RAP1GDS1: variants seen among roughly 807,000 people sequenced by gnomAD.
The protein encoded by RAP1GDS1 is RAP1, GTP-GDP dissociation stimulator 1.
A neutral mutation model predicts 71.1 loss-of-function variants in RAP1GDS1; 35 were observed. That is an observed-to-expected ratio of 0.49 (90% CI 0.38 to 0.65). The LOEUF (loss-of-function observed/expected upper bound fraction) is 0.65. Among genes scored for constraint, RAP1GDS1 ranks in the 30% least tolerant of loss-of-function variants. The pLI is 0.00. For missense variants in RAP1GDS1, 663 were observed against 706.1 expected (o/e 0.94, Z 0.69); for synonymous variants, 229 against 243.1 (o/e 0.94, Z 0.54).
At chr4:98,303,708 T>TAAA (rs1335439206) in intron 2 of RAP1GDS1, among the ~76,000 whole-genome samples, 1 of 151,176 alleles carries the variant, frequency 6.6e-6, no homozygotes, top group Non-Finnish European at 1.5e-5. Flanking sequence ...TAAAAAAAAT[T>TAAA]ATTTTAAGTT....
chr4:98,293,243 A>G (rs1005963803), intron 1 of RAP1GDS1, among the ~76,000 whole-genome samples, 165 bp from the exon 2 acceptor site: 2 of 152,190 alleles, frequency 1.3e-5, no homozygotes, highest in African/African-American at 2.4e-5. Context: ...AAGTGCATTT[A>G]AAATTTTTTT....
intron 4 of RAP1GDS1, among the ~76,000 whole-genome samples, chr4:98,359,517 T>TG (rs1460142106): frequency 6.6e-6 from 1 of 152,054 alleles, no homozygotes; most frequent in African/African-American, 2.4e-5. Flanking sequence ...AACACCAAAA[T>TG]GATGGTAGGA....
intron 2 of RAP1GDS1, among the ~76,000 whole-genome samples, chr4:98,299,983 C>T (rs1354245499): frequency 6.6e-6 from 1 of 152,070 alleles, no homozygotes; most frequent in African/African-American, 2.4e-5. Context: ...TGAAATGACA[C>T]AAAGAATTTA....
chr4:98,308,301 A>AC (rs1729678372), intron 2 of RAP1GDS1, among the ~76,000 whole-genome samples: 1 of 106,366 alleles, frequency 9.4e-6, no homozygotes. Flanking sequence ...CACACACTAT[A>AC]TATATATATA....
chr4:98,345,070 G>A (rs1017966835), intron 3 of RAP1GDS1, among the ~76,000 whole-genome samples: 7 of 152,032 alleles, frequency 4.6e-5, no homozygotes, highest in Admixed American at 1.3e-4. Flanking sequence ...TGGATTCAAG[G>A]GATCCTCCCG....
At chr4:98,380,047 A>G (rs1459556279) in intron 5 of RAP1GDS1, among the ~76,000 whole-genome samples, 2 of 149,652 alleles carry the variant, frequency 1.3e-5, no homozygotes, top group Non-Finnish European at 3.0e-5. Context: ...TTCACATTTT[A>G]TAGTTGTGGG....
intron 6 of RAP1GDS1, among the ~76,000 whole-genome samples, chr4:98,401,367 A>G (rs1745381452): frequency 6.6e-6 from 1 of 152,218 alleles, no homozygotes; most frequent in Middle Eastern, 3.2e-3. Flanking sequence ...ATTACATATA[A>G]TTAGAAAGAT....
intron 6 of RAP1GDS1, among the ~76,000 whole-genome samples, chr4:98,393,756 C>T (rs1351711984): frequency 6.6e-6 from 1 of 152,116 alleles, no homozygotes; most frequent in East Asian, 1.9e-4. Flanking sequence ...GTATAAAATA[C>T]ACAATCGATT....
At chr4:98,308,421 G>C (rs1729711578) in intron 2 of RAP1GDS1, among the ~76,000 whole-genome samples, 1 of 148,686 alleles carries the variant, frequency 6.7e-6, no homozygotes, top group African/African-American at 2.5e-5. Context: ...AGTGAGCCAT[G>C]ATTGTGCCAC....
At chr4:98,348,706 T>C (rs1473156765) in intron 3 of RAP1GDS1, among the ~76,000 whole-genome samples, 1 of 152,224 alleles carries the variant, frequency 6.6e-6, no homozygotes, top group East Asian at 1.9e-4. Flanking sequence ...TTTGCATTTA[T>C]CTGATGGCCA....
chr4:98,353,738 C>T (rs1737545802), intron 4 of RAP1GDS1, among the ~76,000 whole-genome samples: 1 of 152,134 alleles, frequency 6.6e-6, no homozygotes, highest in South Asian at 2.1e-4. Context: ...GCCTGTAAAT[C>T]TGCTTATCTG....
chr4:98,404,313 A>G lies in RAP1GDS1; in HGVS notation c.638-164A>G, dbSNP rs1015324159. On this transcript the variant is annotated intron_variant, in intron 6 of 14. Coordinates refer to ENST00000408927, the MANE Select transcript of RAP1GDS1 (RefSeq NM_001100427.2). ...GTCAGAACATTTTCTCTAAAGCCTT[A>G]GATATTTTTCCTTTTCAGGGACATT... Among the ~76,000 whole-genome samples, 11 of 152,296 alleles carry G rather than the reference A, an allele frequency of 7.2e-5. 3 individuals carry two copies. Among genetic ancestry groups the G allele is most frequent in the Admixed American group, 7.2e-4 (11 of 15,300 alleles).
chr4:98,407,311 C>CA lies in RAP1GDS1; in HGVS notation c.763+2718dup, dbSNP rs201143595. On this transcript the variant is annotated intron_variant, in intron 7 of 14. Transcript: ENST00000408927. ...TCTGCACTTGTACTCCCTAAATCTA[C>CA]AAAAAAAAATTTTTTAAGTAGTTAA... is the stretch of plus-strand genomic sequence containing the variant. Among the ~76,000 whole-genome samples the CA allele has an allele frequency of 7.4e-3, 1,117 of 150,628 alleles. 19 individuals are homozygous for CA. Among genetic ancestry groups the CA allele is most frequent in the African/African-American group, 0.026 (1,074 of 41,096 alleles).
At chr4:98,424,066 G>A (rs1424388907) in intron 12 of RAP1GDS1, among the ~76,000 whole-genome samples, 4 of 152,162 alleles carry the variant, frequency 2.6e-5, no homozygotes, top group African/African-American at 9.7e-5. Context: ...GAAAAATATG[G>A]GTGGTAGAAT....
At chr4:98,420,355 TTTA>T (rs2110191312) in intron 11 of RAP1GDS1, among the ~76,000 whole-genome samples, 2 of 149,672 alleles carry the variant, frequency 1.3e-5, no homozygotes, top group Admixed American at 1.3e-4. Flanking sequence ...TATTTATTTA[TTTA>T]TTTATTTGTT....
At chr4:98,328,478 G>A (rs146669084) in intron 2 of RAP1GDS1, among the ~76,000 whole-genome samples, 38 of 152,240 alleles carry the variant, frequency 2.5e-4, no homozygotes, top group Admixed American at 1.1e-3. Context: ...TGAACTTTCC[G>A]TGTGATTCGT....
At chr4:98,270,557 T>G (rs749636051) in intron 1 of RAP1GDS1, among the ~76,000 whole-genome samples, 15 of 152,198 alleles carry the variant, frequency 9.9e-5, no homozygotes, top group Non-Finnish European at 1.9e-4. Context: ...CTCTCAGTGC[T>G]TCTATTTATA....
At chr4:98,270,567 A>T (rs938091878) in intron 1 of RAP1GDS1, among the ~76,000 whole-genome samples, 2 of 152,210 alleles carry the variant, frequency 1.3e-5, no homozygotes, top group South Asian at 2.1e-4. Flanking sequence ...TTCTATTTAT[A>T]TAGCTTTTGT....
intron 1 of RAP1GDS1, among the ~76,000 whole-genome samples, chr4:98,272,968 T>C (rs1389511538): frequency 1.3e-5 from 2 of 152,210 alleles, no homozygotes. Context: ...TCCAATTTGC[T>C]GCAAATGCTG....
Sources: allele counts gnomAD v4.1 joint callset (sites outside exome capture counted in the v4.1 genomes callset), GRCh38; gene constraint gnomAD v4.1.1; transcripts MANE v1.5; gene names NCBI Gene and HGNC (gene_info 2026-07-23, HGNC 2026-07-21).